Variants in ZNF609 observed in about 807,000 individuals in gnomAD.
The protein encoded by ZNF609 is zinc finger protein 609.
In ZNF609, 11 loss-of-function variants were observed where a neutral mutation model predicts 109.5. That is an observed-to-expected ratio of 0.10 (90% CI 0.06 to 0.17). The LOEUF is 0.17. Ranked by LOEUF, ZNF609 falls within the 10% of genes least tolerant of loss-of-function variation. The pLI is 1.00. For missense variants in ZNF609, 1,559 were observed against 1,772.4 expected (o/e 0.88, Z 2.16); for synonymous variants, 646 against 662.0 (o/e 0.98, Z 0.37).
upstream of ZNF609, among the ~76,000 whole-genome samples, chr15:64,460,225 G>C (rs1303327230): frequency 6.6e-6 from 1 of 152,066 alleles, no homozygotes; most frequent in Admixed American, 6.6e-5. Context: ...TACAGAAGAG[G>C]TGTCTTCTGT....
At chr15:64,575,277 A>T (rs1212845355) in intron 2 of ZNF609, among the ~76,000 whole-genome samples, 1 of 152,078 alleles carries the variant, frequency 6.6e-6, no homozygotes, top group Non-Finnish European at 1.5e-5. Flanking sequence ...ATACAAAATT[A>T]TCTGGGTGTG....
chr15:64,480,048 C>T (rs1021334435), intron 1 of ZNF609, among the ~76,000 whole-genome samples: 5 of 150,986 alleles, frequency 3.3e-5, no homozygotes, highest in African/African-American at 4.9e-5. Flanking sequence ...ACCAGCCTGG[C>T]GAACGTGGCA....
intron 1 of ZNF609, among the ~76,000 whole-genome samples, chr15:64,485,530 C>T (rs1053360047): frequency 6.6e-6 from 1 of 152,210 alleles, no homozygotes; most frequent in African/African-American, 2.4e-5. Flanking sequence ...GGGTTGGGTG[C>T]AGTGGCTCAT....
chr15:64,660,981 C>T (rs935160342), intron 3 of ZNF609, among the ~76,000 whole-genome samples: 1 of 151,906 alleles, frequency 6.6e-6, no homozygotes, highest in Admixed American at 6.6e-5. Flanking sequence ...TTGTTGAGAC[C>T]GGGTTTCACT....
intron 2 of ZNF609, among the ~76,000 whole-genome samples, chr15:64,514,103 A>AC (rs1332471608): frequency 6.6e-6 from 1 of 151,744 alleles, no homozygotes. Flanking sequence ...AAAAAAAAAA[A>AC]ACCACCAGTT....
intron 1 of ZNF609, among the ~76,000 whole-genome samples, chr15:64,473,468 A>T (rs770281408): frequency 6.6e-5 from 10 of 151,660 alleles, no homozygotes; most frequent in Non-Finnish European, 1.0e-4. Context: ...AAGTGCTGGG[A>T]TTACAGGCAT....
At chr15:64,657,403 C>T (rs757549888) in intron 3 of ZNF609, among the ~76,000 whole-genome samples, 34 of 151,896 alleles carry the variant, frequency 2.2e-4, no homozygotes, top group Non-Finnish European at 4.0e-4. Flanking sequence ...ATCATGAGGT[C>T]AAGAGATTGA....
chr15:64,593,442 A>T, intron 2 of ZNF609: 6 of 662,976 alleles, frequency 9.1e-6, no homozygotes, highest in Non-Finnish European at 1.3e-5. Flanking sequence ...ATTGACACAA[A>T]AATGTTCACG....
At chr15:64,577,802 T>C (rs960453624) in intron 2 of ZNF609, among the ~76,000 whole-genome samples, 1 of 151,212 alleles carries the variant, frequency 6.6e-6, no homozygotes, top group Non-Finnish European at 1.5e-5. Flanking sequence ...GAGGTTTCAG[T>C]GAGCAGAGAT....
At chr15:64,535,299 C>T (rs1416506199) in intron 2 of ZNF609, among the ~76,000 whole-genome samples, 2 of 152,136 alleles carry the variant, frequency 1.3e-5, no homozygotes, top group Admixed American at 1.3e-4. Context: ...ATTATCCTGC[C>T]TCTACCTCTC....
intron 2 of ZNF609, among the ~76,000 whole-genome samples, chr15:64,551,274 T>C (rs1894466482): frequency 6.6e-6 from 1 of 152,198 alleles, no homozygotes. Flanking sequence ...GCTTTTATCT[T>C]ATGACTTCTT....
At chr15:64,589,834 C>T (rs1895263183) in intron 2 of ZNF609, among the ~76,000 whole-genome samples, 1 of 151,964 alleles carries the variant, frequency 6.6e-6, no homozygotes, top group Non-Finnish European at 1.5e-5. Context: ...TAAACAGACC[C>T]AGACAGTTAA....
In ZNF609 at chr15:64,630,091, C is replaced by CTTTTTTTTTTTT. The variant is rs200425813; in HGVS notation, c.973+7045_973+7046insTTTTTTTTTTTT. Among the ~76,000 whole-genome samples the CTTTTTTTTTTTT allele has an allele frequency of 1.7e-4, 24 of 143,084 alleles. 1 individual carries two copies. The highest frequency in any genetic ancestry group is 3.0e-4 in the African/African-American group (11 of 37,148). The allele number at this position is 143,084 out of a possible 152,430, so 93.9% of individuals were successfully genotyped here. On this transcript the variant is annotated intron_variant, in intron 3 of 9. Transcript: ENST00000326648. The stretch of plus-strand genomic sequence containing the variant: ...CCTACATTACCATCCTCCTAATTTT[C>CTTTTTTTTTTTT]TTTTTTCTTTTTTTTTTTTTTTTTG...
intron 2 of ZNF609, among the ~76,000 whole-genome samples, chr15:64,515,566 G>C (rs1893793821): frequency 6.6e-6 from 1 of 152,076 alleles, no homozygotes; most frequent in Admixed American, 6.5e-5. Flanking sequence ...CTTTTTAAAG[G>C]GGGGAGGGGT....
At chr15:64,598,988 A>G (rs996742145) in intron 2 of ZNF609, among the ~76,000 whole-genome samples, 1 of 150,508 alleles carries the variant, frequency 6.6e-6, no homozygotes, top group African/African-American at 2.4e-5. Flanking sequence ...TAGATGGGAA[A>G]TATACTGTGT....
At chr15:64,669,963 C>T (rs755672882) in intron 3 of ZNF609, among the ~76,000 whole-genome samples, 2 of 151,926 alleles carry the variant, frequency 1.3e-5, no homozygotes, top group Non-Finnish European at 2.9e-5. Context: ...CCACCACTCC[C>T]GGCCAAAAAA....
At chr15:64,510,403 A>G (rs1893707108) in intron 2 of ZNF609, among the ~76,000 whole-genome samples, 2 of 151,408 alleles carry the variant, frequency 1.3e-5, no homozygotes, top group Non-Finnish European at 2.9e-5. Context: ...TTGGGATCTT[A>G]CTGGTTGTCC....
intron 3 of ZNF609, among the ~76,000 whole-genome samples, chr15:64,628,925 C>T (rs1896019017): frequency 6.6e-6 from 1 of 151,856 alleles, no homozygotes; most frequent in Non-Finnish European, 1.5e-5. Context: ...ATGCCTGGCC[C>T]CTGCTCACTA....
At chr15:64,623,792 T>C (rs953313126) in intron 3 of ZNF609, among the ~76,000 whole-genome samples, 1 of 152,224 alleles carries the variant, frequency 6.6e-6, no homozygotes, top group African/African-American at 2.4e-5. Flanking sequence ...TCAGATCTTT[T>C]GGTAACATCT....
Sources: allele counts gnomAD v4.1 joint callset (sites outside exome capture counted in the v4.1 genomes callset), GRCh38; gene constraint gnomAD v4.1.1; transcripts MANE v1.5; gene names NCBI Gene and HGNC (gene_info 2026-07-23, HGNC 2026-07-21).